The following AFP variants were observed in gnomAD, a reference collection of about 807,000 sequenced individuals.
AFP encodes the protein alpha fetoprotein, also known as alpha-fetoprotein.
In AFP, 64 loss-of-function variants were observed where a neutral mutation model predicts 78.9. The ratio of observed to expected loss-of-function variants is 0.81; its 90% CI spans 0.66 to 1.00. The LOEUF (loss-of-function observed/expected upper bound fraction) is 1.00. AFP is among the 50% of genes least tolerant of loss of function. The pLI, the probability that AFP is intolerant of heterozygous loss-of-function variation, is 0.00. For missense variants in AFP, 689 were observed against 703.8 expected (o/e 0.98, Z 0.24); for synonymous variants, 254 against 243.8 (o/e 1.04, Z -0.39).
In AFP at chr4:73,438,199, G is replaced by C; in HGVS notation, c.163G>C (p.Val55Leu). 1 of 1,613,334 alleles carries C rather than the reference G, an allele frequency of 6.2e-7. No individual in the cohort carries two copies. Among genetic ancestry groups the C allele is most frequent in the Non-Finnish European group, 8.5e-7 (1 of 1,179,462 alleles). ...DLATIFFAQF[V>L]QEATYKEVSK... The stretch of plus-strand genomic sequence containing the variant: ...GGCTACCATATTTTTTGCCCAGTTT[G>C]TTCAAGAAGCCACTTACAAGGAAGT... Residue 55 changes from valine to leucine, a missense_variant, in exon 3 of 15, where the codon GTT (valine) becomes CTT (leucine). Val to Leu is a conservative substitution (Grantham distance 32). Transcript: ENST00000395792.
At chr4:73,442,147 TC>T (rs1329778270) in intron 4 of AFP, 148 bp from the exon 5 acceptor site, 2 of 833,282 alleles carry the variant, frequency 2.4e-6, no homozygotes, top group African/African-American at 1.7e-5. Flanking sequence ...ATGATGATTT[TC>T]CCCTTAGGAA....
In AFP at chr4:73,445,738, A is replaced by G. The variant is rs139452350; in HGVS notation, c.843+616A>G. On this transcript the variant is annotated intron_variant, in intron 7 of 14. Coordinates refer to ENST00000395792, the MANE Select transcript of AFP (RefSeq NM_001134.3). Reference sequence around the variant, plus strand: ...TACCAGGTAAAAAGCTAGCCTTGCCAAAGACAAGTGTGAATAAAGTGGTCT... The same window carrying G: ...TACCAGGTAAAAAGCTAGCCTTGCCGAAGACAAGTGTGAATAAAGTGGTCT... Among the ~76,000 whole-genome samples the G allele has an allele frequency of 2.6e-5, 4 of 152,352 alleles. No individual in the cohort carries two copies. In the East Asian group the frequency reaches 7.7e-4, roughly 29 times the overall value.
chr4:73,450,196 CA>C, intron 10 of AFP, 63 bp downstream of exon 10: 8 of 1,282,986 alleles, frequency 6.2e-6, no homozygotes, highest in Non-Finnish European at 8.9e-6. Context: ...TAGCCTTCCC[CA>C]TTCTCCTCCT....
Position 73,445,023 on chromosome 4 carries a change from C to T in AFP, c.744C>T (p.Thr248=), listed in dbSNP as rs1389286639. 4.3e-6 allele frequency: 7 copies of T among 1,612,722 alleles called. No homozygotes were observed. In the Admixed American group the frequency reaches 8.3e-5, roughly 19 times the overall value. ...ITVTKLSQKF[T]KVNFTEIQKL... ...TTACTAAACTGAGTCAGAAGTTTAC[C>T]AAAGTTAATTTTACTGAAATCCAGA... Residue 248 remains threonine (T), a synonymous_variant, in exon 7 of 15, where the codon ACC becomes ACT. Coordinates refer to ENST00000395792, the MANE Select transcript of AFP (RefSeq NM_001134.3).
chr4:73,436,891 T>TA (rs1430706516), intron 1 of AFP, among the ~76,000 whole-genome samples: 2 of 151,928 alleles, frequency 1.3e-5, no homozygotes, highest in Non-Finnish European at 2.9e-5. Flanking sequence ...GTTACAGCAC[T>TA]ACAGTACAGG....
rs549661124 is a variant in AFP, at chr4:73,453,966, G to T, written c.1785+69G>T. The T allele has an allele frequency of 3.1e-5, 49 of 1,572,828 alleles. No homozygotes were observed. The South Asian group carries it at 4.8e-4, about 15-fold the overall frequency. The stretch of plus-strand genomic sequence containing the variant: ...TTTCTGTAGTGGATAATGAAAGGAA[G>T]ACCCTACAAATTTATAACTTTAAAA... On this transcript the variant is annotated intron_variant, in intron 13 of 14. Coordinates refer to ENST00000395792, the MANE Select transcript of AFP (RefSeq NM_001134.3).
In AFP at chr4:73,440,569, TG is replaced by T. The variant is rs781517649; in HGVS notation, c.271-32del. The T allele has an allele frequency of 8.4e-6, 13 of 1,554,032 alleles. No homozygotes were observed. In the African/African-American group the frequency reaches 1.2e-4, roughly 15 times the overall value. On this transcript the variant is annotated intron_variant, in intron 3 of 14. Coordinates refer to ENST00000395792, the MANE Select transcript of AFP (RefSeq NM_001134.3). ...TATAGATTTTTAAAGCAAAGTTAGT[TG>T]TCTTTCTCCAAACATAAAATATTTC...
rs756780638 is a variant in AFP at position 73,452,633 on chromosome 4, C to T, written c.1652+9C>T. 3.1e-6 allele frequency: 5 copies of T among 1,591,006 alleles called. No homozygotes were observed. Among genetic ancestry groups the T allele is most frequent in the Non-Finnish European group, 3.4e-6 (4 of 1,159,952 alleles). ...CAAACAATGAAGCAAGAGTAAGAAA[C>T]TGTTACTTGCTAGCATGGAAAAGAA... On this transcript the variant is annotated intron_variant, in intron 12 of 14. Transcript: ENST00000395792.
chr4:73,438,970 G>C (rs545407062), intron 3 of AFP, among the ~76,000 whole-genome samples: 14 of 152,232 alleles, frequency 9.2e-5, no homozygotes, highest in African/African-American at 3.1e-4. Flanking sequence ...GCCAGGATTT[G>C]AACTAGACCA....
chr4:73,448,177 A>G (rs1719889158), intron 8 of AFP, among the ~76,000 whole-genome samples: 1 of 152,088 alleles, frequency 6.6e-6, no homozygotes, highest in Non-Finnish European at 1.5e-5. Flanking sequence ...CATGTTTTGT[A>G]TTTTTTAAGA....
At chr4:73,438,058 C>A in intron 2 of AFP, 116 bp from the exon 3 acceptor site, 1 of 1,427,954 alleles carries the variant, frequency 7.0e-7, no homozygotes, top group African/African-American at 1.4e-5. Flanking sequence ...AATCAAATGT[C>A]TAAACAGATT....
At chr4:73,445,812 G>C (rs1719804233) in intron 7 of AFP, among the ~76,000 whole-genome samples, 1 of 152,202 alleles carries the variant, frequency 6.6e-6, no homozygotes, top group Non-Finnish European at 1.5e-5. Flanking sequence ...AGTTTCTTGA[G>C]TGTGCTCTAG....
intron 8 of AFP, 76 bp from the exon 9 acceptor site, chr4:73,449,259 G>A: frequency 7.5e-7 from 1 of 1,327,066 alleles, no homozygotes; most frequent in East Asian, 2.4e-5. Flanking sequence ...TATTATATAG[G>A]AATAACTGGA....
At position 73,450,194 on chromosome 4, in the gene AFP, C is replaced by G. The variant is rs1719948255; in HGVS notation, c.1289+61C>G. On this transcript the variant is annotated intron_variant, in intron 10 of 14. Transcript: ENST00000395792. ...AATTATTAAAGAGAATGTAGCCTTCCCCATTCTCCTCCTTTGGAAGCAACA... is the reference window on the plus strand; with the variant it reads ...AATTATTAAAGAGAATGTAGCCTTCGCCATTCTCCTCCTTTGGAAGCAACA... 3 of 1,279,152 alleles carry G rather than the reference C, an allele frequency of 2.3e-6. No individual in the cohort carries two copies. In the Admixed American group the frequency reaches 5.7e-5, roughly 24 times the overall value. 79.2% of individuals were successfully genotyped at this position (1,279,152 alleles called of 1,614,324 possible).
intron 12 of AFP, 117 bp from the exon 13 acceptor site, chr4:73,453,648 G>A (rs968768115): frequency 5.9e-6 from 7 of 1,181,990 alleles, no homozygotes; most frequent in African/African-American, 1.5e-5. Flanking sequence ...TGGTCAGTCT[G>A]GTGATAGGTT....
Position 73,438,263 on chromosome 4 carries a change from A to G in AFP, c.227A>G (p.Lys76Arg), listed in dbSNP as rs754231918. The G allele has an allele frequency of 6.2e-7, 1 of 1,613,458 alleles. No homozygotes were observed. The highest frequency in any genetic ancestry group is 1.3e-5 in the African/African-American group (1 of 75,036). Reference protein sequence around the residue: ...MVKDALTAIEKPTGDEQSSGC... With the variant: ...MVKDALTAIERPTGDEQSSGC... The stretch of plus-strand genomic sequence containing the variant: ...AAAGATGCATTGACTGCAATTGAGA[A>G]ACCCACTGGAGATGAACAGTCTTCA... Residue 76 changes from lysine to arginine, a missense_variant, in exon 3 of 15, where the codon AAA becomes AGA. By Grantham distance (26) the Lys-to-Arg change is conservative. Transcript: ENST00000395792.
At chr4:73,440,253 C>T (rs983540358) in intron 3 of AFP, among the ~76,000 whole-genome samples, 1 of 152,036 alleles carries the variant, frequency 6.6e-6, no homozygotes, top group Non-Finnish European at 1.5e-5. Context: ...TGCTGTTTCC[C>T]TCCCTGTGTC....
chr4:73,455,568 ACC>A lies in AFP; in HGVS notation c.*11-62_*11-61del, dbSNP rs1720134584. The stretch of plus-strand genomic sequence containing the variant: ...TATTTCTCTGATATAAAATAATAGA[ACC>A]AGTTACTTACTGCACCTATTAGTTT... On this transcript the variant is annotated intron_variant, in intron 14 of 14. Transcript: ENST00000395792. The A allele has an allele frequency of 1.8e-5, 12 of 665,548 alleles. 1 individual carries two copies. The highest frequency in any genetic ancestry group is 1.1e-4 in the Admixed American group (4 of 37,550). The allele number at this position is 665,548 out of a possible 1,614,324, so 41.2% of individuals were successfully genotyped here.
intron 3 of AFP, among the ~76,000 whole-genome samples, chr4:73,439,695 T>C (rs991211219): frequency 6.6e-6 from 1 of 152,194 alleles, no homozygotes; most frequent in African/African-American, 2.4e-5. Flanking sequence ...TGTGGAATAT[T>C]GATGCTGTCA....
Sources: allele counts gnomAD v4.1 joint callset (sites outside exome capture counted in the v4.1 genomes callset), GRCh38; gene constraint gnomAD v4.1.1; transcripts MANE v1.5; gene names NCBI Gene and HGNC (gene_info 2026-07-23, HGNC 2026-07-21).